The following FAM135B variants were observed in gnomAD, a reference collection of about 807,000 sequenced individuals.
FAM135B encodes the protein family with sequence similarity 135 member B.
FAM135B carries 43 observed loss-of-function variants against 127.7 expected under a neutral mutation model. The ratio of observed to expected loss-of-function variants is 0.34; its 90% CI spans 0.26 to 0.43. FAM135B has a LOEUF of 0.43. Among genes scored for constraint, FAM135B ranks in the 20% least tolerant of loss-of-function variants. The pLI is 1.00. For synonymous variants in FAM135B, 670 were observed against 665.1 expected (o/e 1.01, Z -0.11); for missense variants, 1,558 against 1,725.6 (o/e 0.90, Z 1.72).
chr8:138,450,948 T>C (rs1251150754), intron 1 of FAM135B: 13 of 152,204 alleles, frequency 8.5e-5, no homozygotes, highest in Admixed American at 8.5e-4. Context: ...ACTGCATAAA[T>C]AATAAAACTG....
intron 1 of FAM135B, among the ~76,000 whole-genome samples, chr8:138,489,497 A>C (rs7015202): frequency 0.75 from 114,552 of 152,108 alleles, 44,421 homozygotes; most frequent in East Asian, 0.85. Flanking sequence ...TGCCTCCTGT[A>C]TAATTTACTT....
chr8:138,412,927 C>T (rs1416484920), intron 1 of FAM135B, among the ~76,000 whole-genome samples: 1 of 152,164 alleles, frequency 6.6e-6, no homozygotes, highest in Non-Finnish European at 1.5e-5. Context: ...ACTGCATGTG[C>T]AGAAGCCTTT....
chr8:138,263,974 G>C (rs545428713), intron 4 of FAM135B, among the ~76,000 whole-genome samples: 2 of 152,262 alleles, frequency 1.3e-5, no homozygotes, highest in South Asian at 4.2e-4. Context: ...AAAATCAGTG[G>C]ATTTCTATTG....
intron 5 of FAM135B, among the ~76,000 whole-genome samples, chr8:138,251,437 C>T (rs189259079): frequency 2.0e-5 from 3 of 152,314 alleles, no homozygotes; most frequent in Admixed American, 1.3e-4. Context: ...TGTTTTCTAA[C>T]AGATTCCTAC....
intron 3 of FAM135B, among the ~76,000 whole-genome samples, chr8:138,273,925 A>G (rs574080676): frequency 6.6e-6 from 1 of 152,194 alleles, no homozygotes; most frequent in South Asian, 2.1e-4. Context: ...GCCACCTACA[A>G]GCTGAGCACT....
chr8:138,331,642 C>G (rs1563905920), intron 2 of FAM135B, among the ~76,000 whole-genome samples: 1 of 152,146 alleles, frequency 6.6e-6, no homozygotes, highest in Non-Finnish European at 1.5e-5. Context: ...GCAACCTCAC[C>G]TGATGACTAA....
chr8:138,181,235 G>A (rs745663827), intron 9 of FAM135B, among the ~76,000 whole-genome samples: 15 of 151,994 alleles, frequency 9.9e-5, no homozygotes, highest in South Asian at 6.2e-4. Flanking sequence ...GTGAGACTCC[G>A]TTTCAAAAAA....
intron 2 of FAM135B, among the ~76,000 whole-genome samples, chr8:138,357,613 A>G (rs1033287966): frequency 1.1e-4 from 16 of 152,118 alleles, no homozygotes; most frequent in African/African-American, 3.9e-4. Context: ...TAAAATGAAG[A>G]TATCTAAAGG....
chr8:138,140,455 C>T lies in FAM135B; in HGVS notation c.3790+743G>A, dbSNP rs759400560. Among the ~76,000 whole-genome samples, 83 of 152,242 alleles carry T rather than the reference C, an allele frequency of 5.5e-4. 1 individual carries two copies. Among genetic ancestry groups the T allele is most frequent in the Non-Finnish European group, 1.1e-3 (75 of 67,992 alleles). On this transcript the variant is annotated intron_variant, in intron 17 of 19. Coordinates refer to ENST00000395297, the MANE Select transcript of FAM135B (RefSeq NM_015912.4). ...AAAACTCAATGCCCTCCTTGGGCTT[C>T]CATACACCAAACCATGTCACCTCCT...
intron 19 of FAM135B, among the ~76,000 whole-genome samples, chr8:138,133,568 C>T (rs534769768): frequency 2.0e-5 from 3 of 152,138 alleles, no homozygotes; most frequent in Admixed American, 6.5e-5. Flanking sequence ...TACTTTTGAC[C>T]AACTGGGGAG....
chr8:138,213,686 C>T (rs182007461), intron 7 of FAM135B, among the ~76,000 whole-genome samples: 1 of 152,060 alleles, frequency 6.6e-6, no homozygotes, highest in East Asian at 1.9e-4. Context: ...GATTTAAACA[C>T]TAGAATGATG....
intron 3 of FAM135B, among the ~76,000 whole-genome samples, chr8:138,283,859 G>T (rs1373515611): frequency 5.9e-5 from 9 of 151,928 alleles, no homozygotes; most frequent in Admixed American, 5.9e-4. Flanking sequence ...TGAGGAGTGA[G>T]TTGAAGCTTC....
intron 3 of FAM135B, among the ~76,000 whole-genome samples, chr8:138,294,519 A>G (rs886498443): frequency 6.6e-6 from 1 of 152,224 alleles, no homozygotes; most frequent in African/African-American, 2.4e-5. Flanking sequence ...ATCATCATTC[A>G]TAAGAAATGA....
intron 14 of FAM135B, among the ~76,000 whole-genome samples, chr8:138,147,239 T>C (rs1389961687): frequency 6.6e-6 from 1 of 151,824 alleles, no homozygotes; most frequent in Non-Finnish European, 1.5e-5. Context: ...ACTGTTTCTA[T>C]TGTTTAAAGT....
intron 2 of FAM135B, among the ~76,000 whole-genome samples, chr8:138,313,627 C>T (rs181079533): frequency 6.7e-6 from 1 of 150,090 alleles, no homozygotes; most frequent in Non-Finnish European, 1.5e-5. Context: ...CTTCGGCTCC[C>T]CAAAGTGCTG....
intron 6 of FAM135B, among the ~76,000 whole-genome samples, chr8:138,247,426 T>C (rs1048067244): frequency 6.6e-5 from 10 of 152,204 alleles, no homozygotes; most frequent in Non-Finnish European, 1.3e-4. Context: ...CAAGATCTGA[T>C]GGTTTTATAA....
Position 138,148,387 on chromosome 8 carries a change from A to G in FAM135B, c.3448+133T>C, listed in dbSNP as rs1367969343. 2.6e-5 allele frequency: 19 copies of G among 734,182 alleles called. No homozygotes were observed. In the Admixed American group the frequency reaches 6.3e-4, roughly 24 times the overall value. The allele number at this position is 734,182 out of a possible 1,614,324, so 45.5% of individuals were successfully genotyped here. On this transcript the variant is annotated intron_variant, in intron 14 of 19. Transcript: ENST00000395297. ...CAAGCCATACCATTTCCTTAGATTC[A>G]TCATAATTACTGTCATTCCACAGTT...
intron 7 of FAM135B, among the ~76,000 whole-genome samples, chr8:138,223,689 T>A (rs1168936030): frequency 6.6e-6 from 1 of 152,116 alleles, no homozygotes; most frequent in Non-Finnish European, 1.5e-5. Flanking sequence ...CAGACACATA[T>A]CTTACTCAGA....
At chr8:138,351,599 C>T (rs978987082) in intron 2 of FAM135B, among the ~76,000 whole-genome samples, 1 of 151,764 alleles carries the variant, frequency 6.6e-6, no homozygotes, top group East Asian at 1.9e-4. Flanking sequence ...ATTTCTGTTG[C>T]TTCATACACC....
Sources: gnomAD v4.1 joint callset for allele counts (sites outside exome capture counted in the v4.1 genomes callset) on GRCh38, gnomAD v4.1.1 for gene constraint, MANE v1.5 for transcripts, NCBI Gene and HGNC (gene_info 2026-07-23, HGNC 2026-07-21) for gene names.